The following QTMAN variants were observed in gnomAD, a reference collection of about 807,000 sequenced individuals.
QTMAN encodes the protein queuosine-tRNA mannosyltransferase.
chr2:143,993,103 A>G, the QTMAN span, among the ~76,000 whole-genome samples: 1 of 149,778 alleles, frequency 6.7e-6, no homozygotes, highest in African/African-American at 2.6e-5. Flanking sequence ...GTGAAAAGTT[A>G]CTTATTCTAT....
chr2:144,103,561 C>A, the QTMAN span, among the ~76,000 whole-genome samples: 1 of 152,010 alleles, frequency 6.6e-6, no homozygotes, highest in Non-Finnish European at 1.5e-5. Context: ...TTAGTGAGGG[C>A]TACAGTAATT....
chr2:143,998,225 A>C, the QTMAN span, among the ~76,000 whole-genome samples: 1 of 152,060 alleles, frequency 6.6e-6, no homozygotes, highest in Non-Finnish European at 1.5e-5. Context: ...GGACAGCAAA[A>C]AGAGAAATGC....
the QTMAN span, among the ~76,000 whole-genome samples, chr2:143,974,423 C>T: frequency 2.6e-5 from 4 of 152,086 alleles, no homozygotes; most frequent in East Asian, 7.7e-4. Flanking sequence ...ATAATGGCAA[C>T]CATCTGTAAA....
At chr2:144,268,079 T>C in the QTMAN span, among the ~76,000 whole-genome samples, 2 of 152,264 alleles carry the variant, frequency 1.3e-5, no homozygotes, top group Non-Finnish European at 2.9e-5. Context: ...GGAGTTTGGA[T>C]CAGGAAATCA....
At chr2:144,242,133 A>C in the QTMAN span, among the ~76,000 whole-genome samples, 1 of 152,336 alleles carries the variant, frequency 6.6e-6, no homozygotes, top group Non-Finnish European at 1.5e-5. Flanking sequence ...ATAAAGCTAA[A>C]GTAGTTAAAT....
At chr2:144,061,888 G>A in the QTMAN span, among the ~76,000 whole-genome samples, 2 of 152,108 alleles carry the variant, frequency 1.3e-5, no homozygotes, top group Non-Finnish European at 2.9e-5. Context: ...GAGTTCGACT[G>A]GGGACAGTTA....
the QTMAN span, among the ~76,000 whole-genome samples, chr2:144,087,012 A>T: frequency 6.6e-6 from 1 of 152,174 alleles, no homozygotes; most frequent in Non-Finnish European, 1.5e-5. Context: ...CATTTAAATC[A>T]TTAAGTGACA....
At chr2:144,241,030 T>C in the QTMAN span, among the ~76,000 whole-genome samples, 2 of 152,158 alleles carry the variant, frequency 1.3e-5, no homozygotes, top group African/African-American at 4.8e-5. Context: ...GTTTCATCAA[T>C]AATTTATAGA....
At chr2:144,215,350 TG>T in the QTMAN span, among the ~76,000 whole-genome samples, 1 of 151,578 alleles carries the variant, frequency 6.6e-6, no homozygotes, top group East Asian at 1.9e-4. Flanking sequence ...TTCCAGGACT[TG>T]AATTAGTAAA....
At chr2:144,320,192 G>A in the QTMAN span, among the ~76,000 whole-genome samples, 1 of 152,150 alleles carries the variant, frequency 6.6e-6, no homozygotes, top group African/African-American at 2.4e-5. Flanking sequence ...ATTTAGGTAT[G>A]CTTCTACAGC....
the QTMAN span, among the ~76,000 whole-genome samples, chr2:144,135,468 T>C: frequency 6.6e-6 from 1 of 152,338 alleles, no homozygotes; most frequent in East Asian, 1.9e-4. Flanking sequence ...AGCTGTTTCT[T>C]TGAAGTATTC....
chr2:144,309,236 C>A, the QTMAN span, among the ~76,000 whole-genome samples: 1 of 152,072 alleles, frequency 6.6e-6, no homozygotes, highest in East Asian at 1.9e-4. Flanking sequence ...CATAAACTTA[C>A]CATATAAAAC....
At chr2:144,320,678 C>CT in the QTMAN span, among the ~76,000 whole-genome samples, 5 of 152,184 alleles carry the variant, frequency 3.3e-5, no homozygotes, top group Non-Finnish European at 7.3e-5. Context: ...CTGTACTAGA[C>CT]ATCAGTCTAG....
chr2:144,281,703 G>A, the QTMAN span, among the ~76,000 whole-genome samples: 2 of 152,120 alleles, frequency 1.3e-5, no homozygotes, highest in South Asian at 2.1e-4. Context: ...ATGTCCTTAT[G>A]AGAGGAACTT....
the QTMAN span, among the ~76,000 whole-genome samples, chr2:144,312,348 G>A: frequency 1.3e-5 from 2 of 151,932 alleles, no homozygotes; most frequent in Non-Finnish European, 2.9e-5. Context: ...ACACTCTTAG[G>A]CTAACCTCCC....
chr2:144,015,846 G>A, the QTMAN span, among the ~76,000 whole-genome samples: 1 of 152,214 alleles, frequency 6.6e-6, no homozygotes, highest in Non-Finnish European at 1.5e-5. Flanking sequence ...CAATTTTGGA[G>A]TTTATTCAAA....
the QTMAN span, among the ~76,000 whole-genome samples, chr2:144,100,434 A>C: frequency 6.6e-6 from 1 of 152,228 alleles, no homozygotes; most frequent in Non-Finnish European, 1.5e-5. Context: ...GAATAAGCAT[A>C]GAAAAATGAT....
At chr2:144,261,297 GATTAA>G in the QTMAN span, among the ~76,000 whole-genome samples, 12 of 152,012 alleles carry the variant, frequency 7.9e-5, no homozygotes, top group East Asian at 1.9e-3. Flanking sequence ...GGAACCACCA[GATTAA>G]ATTATTTACC....
At chr2:144,190,670 C>T in the QTMAN span, among the ~76,000 whole-genome samples, 23 of 152,100 alleles carry the variant, frequency 1.5e-4, no homozygotes, top group African/African-American at 5.1e-4. Flanking sequence ...TCGGTAAAAT[C>T]GATATCATTT....
Sources: gnomAD v4.1 joint callset for allele counts (sites outside exome capture counted in the v4.1 genomes callset) on GRCh38, gnomAD v4.1.1 for gene constraint, MANE v1.5 for transcripts, NCBI Gene and HGNC (gene_info 2026-07-23, HGNC 2026-07-21) for gene names.